ASAP2: variants seen among roughly 807,000 people sequenced by gnomAD.
ASAP2 encodes the protein ArfGAP with SH3 domain, ankyrin repeat and PH domain 2.
In ASAP2, 45 loss-of-function variants were observed where a neutral mutation model predicts 131.4. The ratio of observed to expected loss-of-function variants is 0.34; its 90% CI spans 0.27 to 0.44. ASAP2 has a LOEUF of 0.44. Among genes scored for constraint, ASAP2 ranks in the 20% least tolerant of loss-of-function variants. The probability of loss-of-function intolerance (pLI) is 1.00; values close to 1 mark genes in which losing one functional copy is unlikely to be tolerated. For missense variants in ASAP2, 1,011 were observed against 1,297.0 expected (o/e 0.78, Z 3.39); for synonymous variants, 510 against 503.0 (o/e 1.01, Z -0.19).
At chr2:9,300,973 G>T (rs1668437922) in intron 3 of ASAP2, among the ~76,000 whole-genome samples, 1 of 152,242 alleles carries the variant, frequency 6.6e-6, no homozygotes, top group Admixed American at 6.5e-5. Flanking sequence ...GCCAGCGCCG[G>T]TGTGGAAGCT....
chr2:9,333,466 A>G (rs1447952821), intron 7 of ASAP2, among the ~76,000 whole-genome samples: 2 of 152,214 alleles, frequency 1.3e-5, no homozygotes, highest in East Asian at 3.8e-4. Context: ...GGGATTATGG[A>G]AGGCCTCACT....
chr2:9,269,410 C>A (rs1666181172), intron 1 of ASAP2, among the ~76,000 whole-genome samples: 1 of 152,238 alleles, frequency 6.6e-6, no homozygotes, highest in Non-Finnish European at 1.5e-5. Context: ...TGTGCCCACC[C>A]TGAGCCAGGT....
At chr2:9,312,233 T>G (rs1354726652) in intron 3 of ASAP2, among the ~76,000 whole-genome samples, 2 of 152,216 alleles carry the variant, frequency 1.3e-5, no homozygotes, top group African/African-American at 4.8e-5. Flanking sequence ...CAATCTCTAT[T>G]ATAATAATTT....
chr2:9,358,719 TA>T, intron 14 of ASAP2, 36 bp from the exon 15 acceptor site: 2 of 1,597,856 alleles, frequency 1.3e-6, no homozygotes, highest in Non-Finnish European at 1.7e-6. Flanking sequence ...CCCTCTTTTT[TA>T]CTGGAAGCTC....
At chr2:9,284,676 T>C (rs1356351024) in intron 2 of ASAP2, among the ~76,000 whole-genome samples, 1 of 152,208 alleles carries the variant, frequency 6.6e-6, no homozygotes, top group Non-Finnish European at 1.5e-5. Flanking sequence ...AGCTGTGACA[T>C]ACCTCCTGTG....
chr2:9,365,852 G>T (rs1049048605), intron 15 of ASAP2, among the ~76,000 whole-genome samples: 1 of 152,182 alleles, frequency 6.6e-6, no homozygotes, highest in Admixed American at 6.5e-5. Flanking sequence ...CAGACGAGGG[G>T]CTCAGAGTGT....
intron 6 of ASAP2, among the ~76,000 whole-genome samples, chr2:9,327,191 G>C (rs1670536881): frequency 6.6e-6 from 1 of 151,778 alleles, no homozygotes; most frequent in Non-Finnish European, 1.5e-5. Flanking sequence ...TTTTCCAGGG[G>C]ACATTCCATT....
At chr2:9,253,631 C>T (rs1427856611) in intron 1 of ASAP2, among the ~76,000 whole-genome samples, 4 of 152,136 alleles carry the variant, frequency 2.6e-5, no homozygotes, top group African/African-American at 9.7e-5. Context: ...ACAATTTTGC[C>T]TTTCTTAGAA....
Position 9,392,523 on chromosome 2 carries a change from C to G in ASAP2, c.2519-959C>G, listed in dbSNP as rs897100789. Among the ~76,000 whole-genome samples, 1 of 152,198 alleles carries G rather than the reference C, an allele frequency of 6.6e-6. No individual in the cohort carries two copies. Among genetic ancestry groups the G allele is most frequent in the African/African-American group, 2.4e-5 (1 of 41,444 alleles). ...GGTCTGGGAGGGTCTTCAGAGGTTT[C>G]CAAGGCGAACACACCAAAGGCCAGA... On this transcript the variant is annotated intron_variant, in intron 23 of 27. Transcript: ENST00000281419. This position sits in a 1 kb window ranked among gnomAD's most constrained non-coding sequence, Gnocchi z 4.0.
chr2:9,265,859 A>G (rs1041324298), intron 1 of ASAP2, among the ~76,000 whole-genome samples: 3 of 151,942 alleles, frequency 2.0e-5, no homozygotes, highest in Non-Finnish European at 4.4e-5. Context: ...TGCAACCTCC[A>G]CCTCCCCGGT....
intron 3 of ASAP2, among the ~76,000 whole-genome samples, chr2:9,298,544 C>A (rs139801652): frequency 1.4e-3 from 217 of 152,394 alleles, no homozygotes; most frequent in Middle Eastern, 6.8e-3. Flanking sequence ...CCCCCTTCAT[C>A]CTTATCCTAG....
At position 9,404,941 on chromosome 2, in the gene ASAP2, C is replaced by T. The variant is rs1368652548; in HGVS notation, c.*1614C>T. The T allele has an allele frequency of 4.0e-5, 6 of 151,268 alleles. No homozygotes were observed. The highest frequency in any genetic ancestry group is 3.3e-4 in the Admixed American group (5 of 15,148). 9.4% of individuals were successfully genotyped at this position (151,268 alleles called of 1,614,324 possible). The stretch of plus-strand genomic sequence containing the variant: ...ACTAATTGTTAATTTCTGTTTGAAC[C>T]CTTCATTTAATTTTCTCATAGATTT... On this transcript the variant is annotated 3_prime_UTR_variant, in exon 28 of 28. Transcript: ENST00000281419.
intron 20 of ASAP2, 73 bp from the exon 21 acceptor site, chr2:9,385,172 G>A: frequency 1.7e-6 from 2 of 1,204,336 alleles, no homozygotes; most frequent in Non-Finnish European, 2.4e-6. Flanking sequence ...CCTCCTGCCT[G>A]CACACTTCAG....
Position 9,374,798 on chromosome 2 carries a change from A to G in ASAP2, c.1600A>G (p.Arg534Gly). 1 of 1,612,512 alleles carries G rather than the reference A, an allele frequency of 6.2e-7. No individual in the cohort carries two copies. Among genetic ancestry groups the G allele is most frequent in the Non-Finnish European group, 8.5e-7 (1 of 1,179,584 alleles). The change falls in exon 17 of 28, where the codon AGA (arginine) becomes GGA (glycine). Residue 534 changes from arginine to glycine, a missense_variant. By Grantham distance (125) the Arg-to-Gly change is moderately radical. Transcript: ENST00000281419. ...DYITAKYIER[R>G]YARKKHADNA... ...CATCACAGCCAAGTACATCGAGAGGAGATACGCAAGGAAGAAGCACGCGGA... is the reference window on the plus strand; with the variant it reads ...CATCACAGCCAAGTACATCGAGAGGGGATACGCAAGGAAGAAGCACGCGGA...
intron 19 of ASAP2, 148 bp downstream of exon 19, chr2:9,379,207 A>C: frequency 2.1e-6 from 1 of 470,288 alleles, no homozygotes; most frequent in South Asian, 6.6e-5. Flanking sequence ...GCTAATGAGA[A>C]AGAGCCTCTC....
At chr2:9,225,585 A>C (rs559461464) in intron 1 of ASAP2, among the ~76,000 whole-genome samples, 10 of 152,148 alleles carry the variant, frequency 6.6e-5, no homozygotes, top group Non-Finnish European at 1.5e-4. Context: ...TCAGTTGGAA[A>C]TTGATTCAGA....
chr2:9,273,304 A>G (rs1485297055), intron 1 of ASAP2, among the ~76,000 whole-genome samples: 2 of 152,116 alleles, frequency 1.3e-5, no homozygotes, highest in South Asian at 2.1e-4. Context: ...ATTTGTAGCT[A>G]TTGTAAATGG....
At chr2:9,240,424 T>G (rs1262237933) in intron 1 of ASAP2, among the ~76,000 whole-genome samples, 1 of 151,890 alleles carries the variant, frequency 6.6e-6, no homozygotes, top group East Asian at 1.9e-4. Context: ...AAGCTAATTT[T>G]TTGTAGAGAT....
chr2:9,350,790 T>C lies in ASAP2; in HGVS notation c.1024-18T>C, dbSNP rs373070738. 6.8e-6 allele frequency: 11 copies of C among 1,608,238 alleles called. No homozygotes were observed. The highest frequency in any genetic ancestry group is 9.3e-6 in the Non-Finnish European group (11 of 1,176,594). On this transcript the variant is annotated intron_variant, in intron 11 of 27. Coordinates refer to ENST00000281419, the MANE Select transcript of ASAP2 (RefSeq NM_003887.3). ...CACCCAACCCCAACCTTTTTTGTTG[T>C]TTTTTGCTTTTAAACAGGCTAACCG...
Sources: allele counts gnomAD v4.1 joint callset (sites outside exome capture counted in the v4.1 genomes callset), GRCh38; gene constraint gnomAD v4.1.1; non-coding constraint Gnocchi (gnomAD v3.1); transcripts MANE v1.5; gene names NCBI Gene and HGNC (gene_info 2026-07-23, HGNC 2026-07-21).